Variants in DLG2 observed in about 807,000 individuals in gnomAD.
The protein encoded by DLG2 is disks large homolog 2.
Under a neutral mutation model 132.5 loss-of-function variants are expected in DLG2, and 45 were observed. The ratio of observed to expected loss-of-function variants is 0.34; its 90% CI spans 0.27 to 0.44. The LOEUF is 0.44. DLG2 is among the 20% of genes least tolerant of loss of function. The probability of loss-of-function intolerance (pLI) is 1.00; values close to 1 mark genes in which losing one functional copy is unlikely to be tolerated. For synonymous variants in DLG2, 424 were observed against 419.6 expected (o/e 1.01, Z -0.13); for missense variants, 1,045 against 1,196.9 (o/e 0.87, Z 1.87).
At chr11:83,682,480 C>A in intron 18 of DLG2, 1 of 974,432 alleles carries the variant, frequency 1.0e-6, no homozygotes, top group Non-Finnish European at 1.2e-6. Flanking sequence ...CACTATTAAC[C>A]AATAAGATGC....
intron 7 of DLG2, among the ~76,000 whole-genome samples, chr11:84,403,918 C>T (rs1482119476): frequency 3.3e-5 from 5 of 152,142 alleles, no homozygotes; most frequent in African/African-American, 1.2e-4. Flanking sequence ...CCAAAGCCAC[C>T]TCTTCCATTC....
intron 9 of DLG2, among the ~76,000 whole-genome samples, chr11:84,130,420 G>T (rs2094363802): frequency 1.3e-5 from 2 of 151,286 alleles, no homozygotes; most frequent in South Asian, 4.2e-4. Flanking sequence ...GAGCACAGTG[G>T]CTACACAGGG....
intron 7 of DLG2, among the ~76,000 whole-genome samples, chr11:84,364,659 C>A (rs61897667): frequency 6.6e-6 from 1 of 151,758 alleles, no homozygotes; most frequent in Non-Finnish European, 1.5e-5. Context: ...GTCATAGATA[C>A]CTCTTATTAT....
chr11:85,529,891 A>G (rs562274175), intron 3 of DLG2, among the ~76,000 whole-genome samples: 119 of 151,964 alleles, frequency 7.8e-4, no homozygotes, highest in Non-Finnish European at 1.4e-3. Flanking sequence ...ACATGAAACT[A>G]TGGCAGGAGG....
At position 84,538,237 on chromosome 11, in the gene DLG2, A is replaced by T. The variant is rs769006090; in HGVS notation, c.358-3506T>A. On this transcript the variant is annotated intron_variant, in intron 6 of 27. Coordinates refer to ENST00000376104, the MANE Select transcript of DLG2 (RefSeq NM_001142699.3). The stretch of plus-strand genomic sequence containing the variant: ...TAAAGAGGTAAAAGATATTCCAGCC[A>T]AAGGCACAACATGTGAAGAGACATG... 9.1e-4 allele frequency among the ~76,000 whole-genome samples: 139 copies of T among 152,214 alleles called. 1 individual carries two copies. Among genetic ancestry groups the T allele is most frequent in the Non-Finnish European group, 5.9e-5 (4 of 68,042 alleles).
intron 6 of DLG2, among the ~76,000 whole-genome samples, chr11:84,573,344 T>C (rs1057477471): frequency 3.9e-5 from 6 of 152,188 alleles, no homozygotes; most frequent in South Asian, 4.1e-4. Flanking sequence ...AAAAAGTGAA[T>C]TAATCTAAAG....
intron 4 of DLG2, among the ~76,000 whole-genome samples, chr11:85,161,861 C>T (rs563164673): frequency 1.3e-5 from 2 of 152,284 alleles, no homozygotes; most frequent in South Asian, 2.1e-4. Flanking sequence ...AATCAGCATC[C>T]AATGTATGCT....
intron 18 of DLG2, among the ~76,000 whole-genome samples, chr11:83,681,494 A>G (rs1336931127): frequency 6.6e-6 from 1 of 152,164 alleles, no homozygotes; most frequent in Non-Finnish European, 1.5e-5. Flanking sequence ...TCCTGCGGGT[A>G]CGTCGTACAG....
chr11:84,286,871 C>A (rs2097914979), intron 7 of DLG2, among the ~76,000 whole-genome samples: 1 of 152,090 alleles, frequency 6.6e-6, no homozygotes, highest in Non-Finnish European at 1.5e-5. Context: ...CTAAGCTTTC[C>A]CATCTCTCTG....
intron 6 of DLG2, among the ~76,000 whole-genome samples, chr11:85,040,940 C>T (rs1241299020): frequency 6.6e-6 from 1 of 151,788 alleles, no homozygotes; most frequent in Non-Finnish European, 1.5e-5. Context: ...AAAAATTACA[C>T]ACCACTTTCC....
intron 6 of DLG2, chr11:84,800,745 A>G (rs2075266759): frequency 6.6e-6 from 1 of 152,222 alleles, no homozygotes; most frequent in South Asian, 2.1e-4. Context: ...TCTCTAGTTG[A>G]TATGACTATA....
At chr11:85,162,651 T>C (rs1334035440) in intron 4 of DLG2, among the ~76,000 whole-genome samples, 1 of 152,252 alleles carries the variant, frequency 6.6e-6, no homozygotes, top group Non-Finnish European at 1.5e-5. Flanking sequence ...CATTAAAGTA[T>C]TGTTAACTTT....
At chr11:83,466,114 G>A (rs2090988073) in intron 26 of DLG2, among the ~76,000 whole-genome samples, 1 of 152,148 alleles carries the variant, frequency 6.6e-6, no homozygotes. Flanking sequence ...ATGTTTTACT[G>A]CCACGCCACT....
chr11:85,410,826 A>G (rs2152979243), intron 3 of DLG2, among the ~76,000 whole-genome samples: 1 of 151,958 alleles, frequency 6.6e-6, no homozygotes, highest in Non-Finnish European at 1.5e-5. Flanking sequence ...ACAGATTTGC[A>G]CATACTTTAA....
In DLG2 at chr11:84,704,227, C is replaced by T. The variant is rs549210056; in HGVS notation, c.358-169496G>A. 5.6e-4 allele frequency among the ~76,000 whole-genome samples: 85 copies of T among 151,522 alleles called. 3 individuals carry two copies. Among genetic ancestry groups the T allele is most frequent in the African/African-American group, 1.8e-3 (75 of 41,430 alleles). On this transcript the variant is annotated intron_variant, in intron 6 of 27. Transcript: ENST00000376104. ...CTGTTGAATTTGCAAACTCACATCCCTACCTCTATGACACTCTATGTTCAC... is the reference window on the plus strand; with the variant it reads ...CTGTTGAATTTGCAAACTCACATCCTTACCTCTATGACACTCTATGTTCAC...
At chr11:85,279,042 T>TA (rs1387744647) in intron 4 of DLG2, among the ~76,000 whole-genome samples, 1 of 152,088 alleles carries the variant, frequency 6.6e-6, no homozygotes, top group Non-Finnish European at 1.5e-5. Context: ...TAAGATCAAA[T>TA]AAAAAACTTT....
In DLG2 at chr11:85,306,794, A is replaced by G. The variant is rs551747405; in HGVS notation, c.41-21429T>C. Among the ~76,000 whole-genome samples, 14 of 152,128 alleles carry G rather than the reference A, an allele frequency of 9.2e-5. No individual in the cohort carries two copies. In the East Asian group the frequency reaches 1.9e-3, roughly 21 times the overall value. ...TGACTGTGTGAGCCAGGATGGTCTCAATCTCCTGACCTCGTGATCCGCCCA... is the reference window on the plus strand; with the variant it reads ...TGACTGTGTGAGCCAGGATGGTCTCGATCTCCTGACCTCGTGATCCGCCCA... On this transcript the variant is annotated intron_variant, in intron 3 of 27. Transcript: ENST00000376104.
At chr11:84,213,711 C>T (rs1236767531) in intron 8 of DLG2, among the ~76,000 whole-genome samples, 2 of 148,072 alleles carry the variant, frequency 1.4e-5, no homozygotes, top group Admixed American at 6.9e-5. Context: ...CCCAGCTACT[C>T]GGGAGGCTGA....
At chr11:83,669,888 C>G (rs899127461) in intron 18 of DLG2, among the ~76,000 whole-genome samples, 7 of 152,162 alleles carry the variant, frequency 4.6e-5, no homozygotes, top group Admixed American at 3.9e-4. Flanking sequence ...CTCGTTAGGA[C>G]AAGCCAAAGG....
Sources: gnomAD v4.1 joint callset for allele counts (sites outside exome capture counted in the v4.1 genomes callset) on GRCh38, gnomAD v4.1.1 for gene constraint, MANE v1.5 for transcripts, NCBI Gene and HGNC (gene_info 2026-07-23, HGNC 2026-07-21) for gene names.